MACROD2: variants seen among roughly 807,000 people sequenced by gnomAD.
MACROD2 encodes the protein ADP-ribose glycohydrolase MACROD2.
MACROD2 carries 36 observed loss-of-function variants against 70.4 expected under a neutral mutation model. The ratio of observed to expected loss-of-function variants is 0.51; its 90% confidence interval spans 0.39 to 0.68. The LOEUF is 0.68. Ranked by LOEUF, MACROD2 falls within the 30% of genes least tolerant of loss-of-function variation. The probability of loss-of-function intolerance (pLI) is 0.00; values close to 1 mark genes in which losing one functional copy is unlikely to be tolerated. For missense variants in MACROD2, 496 were observed against 538.4 expected (o/e 0.92, Z 0.78); for synonymous variants, 172 against 178.8 (o/e 0.96, Z 0.30).
intron 5 of MACROD2, among the ~76,000 whole-genome samples, chr20:14,933,638 A>G (rs912243687): frequency 5.7e-5 from 3 of 52,398 alleles, no homozygotes; most frequent in Admixed American, 2.2e-4. Context: ...TCAAAAAAAT[A>G]AAAAAAAAAA....
intron 5 of MACROD2, among the ~76,000 whole-genome samples, chr20:14,709,114 G>C (rs2071306090): frequency 6.6e-6 from 1 of 152,200 alleles, no homozygotes; most frequent in East Asian, 1.9e-4. Context: ...AAAAGAAATG[G>C]GCAAAAGTAG....
rs888754240 is a variant in MACROD2 at position 14,902,073 on chromosome 20, C to G, written c.418+217114C>G. 5.9e-5 allele frequency among the ~76,000 whole-genome samples: 9 copies of G among 152,234 alleles called. No individual in the cohort carries two copies. In the East Asian group the frequency reaches 1.7e-3, roughly 29 times the overall value. On this transcript the variant is annotated intron_variant, in intron 5 of 17. Coordinates refer to ENST00000684519, the MANE Select transcript of MACROD2 (RefSeq NM_001351661.2). ...CAACTGCAATAAATGGAATAACTAA[C>G]ATTTACATGTGCTAAATCTTCTAAT...
intron 4 of MACROD2, among the ~76,000 whole-genome samples, chr20:14,663,933 A>G (rs904609991): frequency 6.6e-6 from 1 of 152,094 alleles, no homozygotes; most frequent in African/African-American, 2.4e-5. Flanking sequence ...TCTTATGGCC[A>G]TTAACAAAAA....
chr20:15,620,191 T>C (rs1339290116), intron 8 of MACROD2, among the ~76,000 whole-genome samples: 1 of 152,172 alleles, frequency 6.6e-6, no homozygotes, highest in Non-Finnish European at 1.5e-5. Context: ...GTTTCCAAGC[T>C]TGTGAAACTA....
chr20:14,788,633 A>G (rs1302488416), intron 5 of MACROD2, among the ~76,000 whole-genome samples: 3 of 150,370 alleles, frequency 2.0e-5, no homozygotes, highest in Admixed American at 6.6e-5. Context: ...CTGATTATTT[A>G]CTTTTAAGTA....
intron 8 of MACROD2, among the ~76,000 whole-genome samples, chr20:15,858,789 G>T (rs1306752780): frequency 6.6e-6 from 1 of 152,170 alleles, no homozygotes; most frequent in Non-Finnish European, 1.5e-5. Context: ...AGGCTCCCAA[G>T]AAGACCAGGC....
At chr20:15,929,661 T>C (rs1354861209) in intron 10 of MACROD2, among the ~76,000 whole-genome samples, 1 of 152,194 alleles carries the variant, frequency 6.6e-6, no homozygotes, top group Admixed American at 6.5e-5. Flanking sequence ...TTGTTTATCT[T>C]CCTGTCACCA....
chr20:14,173,888 C>T (rs771106034), intron 3 of MACROD2, among the ~76,000 whole-genome samples: 5 of 152,154 alleles, frequency 3.3e-5, no homozygotes, highest in Non-Finnish European at 7.3e-5. Context: ...TGTTATTTCT[C>T]TTCTGGATCT....
intron 3 of MACROD2, among the ~76,000 whole-genome samples, chr20:14,453,604 A>G (rs2064808): frequency 0.27 from 40,750 of 151,942 alleles, 5,637 homozygotes; most frequent in Admixed American, 0.31. Flanking sequence ...TGTTGGACAT[A>G]AGCAACCTTC....
intron 8 of MACROD2, among the ~76,000 whole-genome samples, chr20:15,678,484 C>T (rs577979467): frequency 8.5e-5 from 13 of 152,140 alleles, no homozygotes; most frequent in South Asian, 2.1e-4. Flanking sequence ...CTCAGCCTCC[C>T]GAGTAGCTGG....
At chr20:15,368,935 G>GCTACCAAATCAAC (rs2045451455) in intron 6 of MACROD2, among the ~76,000 whole-genome samples, 1 of 152,144 alleles carries the variant, frequency 6.6e-6, no homozygotes, top group Non-Finnish European at 1.5e-5. Flanking sequence ...AGCGGGATAC[G>GCTACCAAATCAAC]TCATTGCCTG....
intron 4 of MACROD2, chr20:14,629,039 T>C (rs1940205932): frequency 6.6e-6 from 1 of 152,196 alleles, no homozygotes; most frequent in Non-Finnish European, 1.5e-5. Flanking sequence ...TAAAAAAGCC[T>C]TCCTAATATG....
At chr20:15,744,737 C>CA (rs1238817808) in intron 8 of MACROD2, among the ~76,000 whole-genome samples, 1 of 141,116 alleles carries the variant, frequency 7.1e-6, no homozygotes, top group African/African-American at 2.6e-5. Flanking sequence ...CACACACACA[C>CA]TACACACAAG....
At chr20:15,603,340 A>G (rs1337802423) in intron 8 of MACROD2, among the ~76,000 whole-genome samples, 2 of 148,446 alleles carry the variant, frequency 1.3e-5, no homozygotes, top group Non-Finnish European at 2.9e-5. Context: ...TCTACTAAAA[A>G]TATTTAAAAA....
At chr20:14,302,061 C>G (rs1184260205) in intron 3 of MACROD2, among the ~76,000 whole-genome samples, 1 of 152,188 alleles carries the variant, frequency 6.6e-6, no homozygotes, top group Non-Finnish European at 1.5e-5. Context: ...TACAGAATTA[C>G]TGTCTTAAAA....
intron 8 of MACROD2, among the ~76,000 whole-genome samples, chr20:15,700,684 C>T (rs1023282146): frequency 6.6e-6 from 1 of 152,154 alleles, no homozygotes; most frequent in African/African-American, 2.4e-5. Context: ...AACAAGGCAG[C>T]TGTATTAGAT....
chr20:15,341,781 T>C (rs1047385945), intron 6 of MACROD2, among the ~76,000 whole-genome samples: 4 of 152,194 alleles, frequency 2.6e-5, no homozygotes, highest in Admixed American at 2.6e-4. Context: ...CTATGCATGG[T>C]GGCTCATGCC....
chr20:14,428,039 A>C (rs1191694864), intron 3 of MACROD2, among the ~76,000 whole-genome samples: 1 of 152,150 alleles, frequency 6.6e-6, no homozygotes, highest in Non-Finnish European at 1.5e-5. Flanking sequence ...TTTATTGAAA[A>C]TGTTAGTAAA....
intron 12 of MACROD2, among the ~76,000 whole-genome samples, chr20:15,953,042 A>G (rs566557828): frequency 6.6e-6 from 1 of 152,312 alleles, no homozygotes; most frequent in Non-Finnish European, 1.5e-5. Flanking sequence ...ATAAAAAAAG[A>G]AAGCCTGTCA....
Sources: gnomAD v4.1 joint callset for allele counts (sites outside exome capture counted in the v4.1 genomes callset) on GRCh38, gnomAD v4.1.1 for gene constraint, MANE v1.5 for transcripts, NCBI Gene and HGNC (gene_info 2026-07-23, HGNC 2026-07-21) for gene names.